The following STX8 variants were observed in gnomAD, a reference collection of about 807,000 sequenced individuals.
The protein encoded by STX8 is syntaxin-8.
In STX8, 23 loss-of-function variants were observed where a neutral mutation model predicts 37.5. The ratio of observed to expected loss-of-function variants is 0.61; its 90% CI spans 0.44 to 0.87. The LOEUF (loss-of-function observed/expected upper bound fraction) is 0.87, where lower values mean the gene tolerates loss of function less well. Among genes scored for constraint, STX8 ranks in the 40% least tolerant of loss-of-function variants. STX8 has a pLI of 0.00. For synonymous variants in STX8, 115 were observed against 99.1 expected, an observed-to-expected ratio of 1.16 and a Z score of -0.95; for missense variants, 313 against 284.7, an observed-to-expected ratio of 1.10 and a Z score of -0.71.
intron 7 of STX8, among the ~76,000 whole-genome samples, chr17:9,269,728 T>C (rs1907382866): frequency 6.6e-6 from 1 of 152,182 alleles, no homozygotes. Flanking sequence ...CCTAACGAAA[T>C]GATCCAGTTT....
intron 6 of STX8, among the ~76,000 whole-genome samples, chr17:9,457,646 T>C (rs953088572): frequency 6.6e-6 from 1 of 152,278 alleles, no homozygotes; most frequent in African/African-American, 2.4e-5. Context: ...ATCTCTGTGC[T>C]CTTCCAGCCT....
intron 7 of STX8, among the ~76,000 whole-genome samples, chr17:9,341,414 G>A (rs1910352638): frequency 1.3e-5 from 2 of 152,172 alleles, no homozygotes; most frequent in South Asian, 4.1e-4. Context: ...GGAAAGTAGA[G>A]TAGTCGCCAC....
intron 6 of STX8, among the ~76,000 whole-genome samples, chr17:9,452,721 A>G (rs373441625): frequency 6.6e-6 from 1 of 152,032 alleles, no homozygotes; most frequent in Non-Finnish European, 1.5e-5. Flanking sequence ...AAACTTCTAC[A>G]CTGCCTTGGT....
At chr17:9,297,736 C>T (rs139279954) in intron 7 of STX8, among the ~76,000 whole-genome samples, 1 of 152,248 alleles carries the variant, frequency 6.6e-6, no homozygotes, top group East Asian at 1.9e-4. Flanking sequence ...ATTAGCCAGG[C>T]ATGGTGGCAC....
chr17:9,454,689 A>G (rs1567568317), intron 6 of STX8, among the ~76,000 whole-genome samples: 1 of 149,294 alleles, frequency 6.7e-6, no homozygotes, highest in Non-Finnish European at 1.5e-5. Flanking sequence ...AAAAAAAAAA[A>G]ACAAAAAAAC....
chr17:9,391,199 A>G (rs1327682365), intron 6 of STX8, among the ~76,000 whole-genome samples: 2 of 152,130 alleles, frequency 1.3e-5, no homozygotes, highest in African/African-American at 2.4e-5. Flanking sequence ...ACAACTTGTA[A>G]TCTCAGCACT....
chr17:9,308,462 C>T (rs939658067), intron 7 of STX8, among the ~76,000 whole-genome samples: 13 of 152,170 alleles, frequency 8.5e-5, no homozygotes, highest in Non-Finnish European at 1.6e-4. Context: ...TGGTGGCTCA[C>T]GCCTGTAATC....
chr17:9,264,608 T>G (rs1438949568), intron 7 of STX8, among the ~76,000 whole-genome samples: 2 of 152,192 alleles, frequency 1.3e-5, no homozygotes, highest in East Asian at 1.9e-4. Context: ...CCCAGCCTGA[T>G]TTTTTAAACA....
At chr17:9,335,734 TC>T (rs1910114532) in intron 7 of STX8, among the ~76,000 whole-genome samples, 1 of 152,120 alleles carries the variant, frequency 6.6e-6, no homozygotes, top group South Asian at 2.1e-4. Context: ...ATGAGCTAGA[TC>T]TTTACCTCAA....
chr17:9,343,593 A>G (rs1910442952), intron 7 of STX8, among the ~76,000 whole-genome samples: 1 of 152,142 alleles, frequency 6.6e-6, no homozygotes, highest in Non-Finnish European at 1.5e-5. Flanking sequence ...GAGCCTCACT[A>G]TATAAATCCT....
chr17:9,384,621 C>A (rs1330122823), intron 6 of STX8, among the ~76,000 whole-genome samples: 1 of 151,992 alleles, frequency 6.6e-6, no homozygotes, highest in East Asian at 1.9e-4. Flanking sequence ...GCCTGAGCAA[C>A]AGAGCGAGAC....
chr17:9,445,499 GAT>G (rs1409803275), intron 6 of STX8, among the ~76,000 whole-genome samples: 11 of 114,556 alleles, frequency 9.6e-5, no homozygotes, highest in Admixed American at 4.7e-4. Flanking sequence ...GGGAGGGGGG[GAT>G]GGTGGGGGAG....
chr17:9,328,528 A>G (rs1455171948), intron 7 of STX8, among the ~76,000 whole-genome samples: 1 of 152,190 alleles, frequency 6.6e-6, no homozygotes, highest in Non-Finnish European at 1.5e-5. Flanking sequence ...ATAGCATTCA[A>G]CAAAAGATGC....
chr17:9,340,210 G>A (rs1286918345), intron 7 of STX8, among the ~76,000 whole-genome samples: 4 of 152,250 alleles, frequency 2.6e-5, no homozygotes, highest in Non-Finnish European at 5.9e-5. Flanking sequence ...CTATCAAAGA[G>A]GGCAGCTGCT....
intron 6 of STX8, among the ~76,000 whole-genome samples, chr17:9,488,197 G>A (rs371063344): frequency 1.3e-5 from 2 of 152,052 alleles, no homozygotes; most frequent in South Asian, 4.1e-4. Context: ...ATGGTGGCAG[G>A]CGCCTGTAAT....
chr17:9,396,342 T>C (rs891994423), intron 6 of STX8, among the ~76,000 whole-genome samples: 1 of 125,954 alleles, frequency 7.9e-6, no homozygotes, highest in Admixed American at 8.6e-5. Flanking sequence ...GGGGGAGTGA[T>C]AAATAGGAGG....
At chr17:9,426,690 G>T (rs1230954100) in intron 6 of STX8, among the ~76,000 whole-genome samples, 1 of 151,910 alleles carries the variant, frequency 6.6e-6, no homozygotes, top group African/African-American at 2.4e-5. Flanking sequence ...GAGCCTGGGA[G>T]GTAGAGGCTG....
chr17:9,530,579 T>C (rs1375516416), intron 4 of STX8, among the ~76,000 whole-genome samples: 1 of 152,244 alleles, frequency 6.6e-6, no homozygotes, highest in African/African-American at 2.4e-5. Flanking sequence ...CTAGTGAAGT[T>C]GAACACCTTT....
chr17:9,452,308 G>A (rs752143177), intron 6 of STX8: 2 of 151,218 alleles, frequency 1.3e-5, no homozygotes, highest in African/African-American at 2.4e-5. Flanking sequence ...AATTGACATC[G>A]GAGAAAGGTG....
Sources: gnomAD v4.1 joint callset for allele counts (sites outside exome capture counted in the v4.1 genomes callset) on GRCh38, gnomAD v4.1.1 for gene constraint, MANE v1.5 for transcripts, NCBI Gene and HGNC (gene_info 2026-07-23, HGNC 2026-07-21) for gene names.